TMCC3: variants seen among roughly 807,000 people sequenced by gnomAD.
TMCC3 encodes transmembrane and coiled-coil domain family 3.
A neutral mutation model predicts 40.2 loss-of-function variants in TMCC3; 28 were observed. The observed-to-expected ratio is 0.70, with a 90% confidence interval of 0.52 to 0.95. TMCC3 has a LOEUF of 0.95. Among genes scored for constraint, TMCC3 ranks in the 40% least tolerant of loss-of-function variants. The probability of loss-of-function intolerance (pLI) is 0.00; values close to 1 mark genes in which losing one functional copy is unlikely to be tolerated. For synonymous variants in TMCC3, 255 were observed against 248.5 expected, an observed-to-expected ratio of 1.03 and a Z score of -0.25; for missense variants, 554 against 615.2, an observed-to-expected ratio of 0.90 and a Z score of 1.05.
At chr12:94,635,660 GTTTTTTTT>G (rs63480462) in intron 1 of TMCC3, among the ~76,000 whole-genome samples, 26 of 89,296 alleles carry the variant, frequency 2.9e-4, no homozygotes, top group Non-Finnish European at 5.2e-4. Flanking sequence ...GTGTATGTGG[GTTTTTTTT>G]TTTTTTTTTT....
At chr12:94,616,184 T>C (rs970999850) in intron 1 of TMCC3, 1 of 784,422 alleles carries the variant, frequency 1.3e-6, no homozygotes, top group South Asian at 5.8e-5. Flanking sequence ...GCTGTACAAA[T>C]GGGCTCTTTG....
chr12:94,627,795 A>G (rs1038826579), intron 1 of TMCC3, among the ~76,000 whole-genome samples: 1 of 152,120 alleles, frequency 6.6e-6, no homozygotes, highest in African/African-American at 2.4e-5. Flanking sequence ...CCTCTTGTCT[A>G]TTTCTCAGCA....
intron 1 of TMCC3, among the ~76,000 whole-genome samples, chr12:94,584,646 C>T (rs904459166): frequency 6.6e-6 from 1 of 151,232 alleles, no homozygotes; most frequent in East Asian, 1.9e-4. Context: ...GTCAGGCCTC[C>T]TCCACAACTT....
chr12:94,577,355 A>AT (rs1257227878), intron 3 of TMCC3, among the ~76,000 whole-genome samples: 26 of 151,832 alleles, frequency 1.7e-4, no homozygotes, highest in Non-Finnish European at 3.8e-4. Flanking sequence ...CGCCTGGCTA[A>AT]TTTTTTGTAT....
intron 1 of TMCC3, among the ~76,000 whole-genome samples, chr12:94,639,668 AACACACACACACACACAC>A (rs3073591): frequency 1.6e-5 from 2 of 124,140 alleles, no homozygotes; most frequent in East Asian, 2.2e-4. Flanking sequence ...CATATATGTA[AACACACACACACACACAC>A]ACACACACAC....
At position 94,571,732 on chromosome 12, in the gene TMCC3, G is replaced by C; in HGVS notation, c.1137C>G (p.Ala379=). Residue 379 remains alanine (A), a synonymous_variant, in exon 4 of 4, where the codon GCC becomes GCG. Transcript: ENST00000261226. The part of the protein sequence containing the change: ...AYERSRDIQE[A]LESCQTRISK... ...AAATGCGAGTCTGGCAGGATTCCAA[G>C]GCTTCCTGTGAGCAAGAGGGAGAGC... 6.2e-7 allele frequency: 1 copy of C among 1,613,688 alleles called. No homozygotes were observed. The highest frequency in any genetic ancestry group is 1.1e-5 in the South Asian group (1 of 91,068).
intron 1 of TMCC3, among the ~76,000 whole-genome samples, chr12:94,646,431 C>CTTTTTTTTT (rs34398994): frequency 4.4e-5 from 4 of 90,718 alleles, no homozygotes; most frequent in East Asian, 3.2e-4. Context: ...AAGCACACAC[C>CTTTTTTTTT]TTTTTTTTTT....
At chr12:94,573,089 T>C (rs574141829) in intron 3 of TMCC3, among the ~76,000 whole-genome samples, 2 of 152,324 alleles carry the variant, frequency 1.3e-5, no homozygotes, top group South Asian at 2.1e-4. Flanking sequence ...TGTGGCTTCA[T>C]GTATTGCAGC....
chr12:94,568,617 A>G lies in TMCC3; in HGVS notation c.*2818T>C, dbSNP rs903685479. On this transcript the variant is annotated 3_prime_UTR_variant, in exon 4 of 4. Transcript: ENST00000261226. ...TGTAATATTTCTAAAATGTCATTTAATCTCCTTACACATTGAAGAGAACAA... is the reference window on the plus strand; with the variant it reads ...TGTAATATTTCTAAAATGTCATTTAGTCTCCTTACACATTGAAGAGAACAA... 1.3e-5 allele frequency: 2 copies of G among 152,232 alleles called. No individual in the cohort carries two copies. The highest frequency in any genetic ancestry group is 1.3e-4 in the Admixed American group (2 of 15,282). The allele number at this position is 152,232 out of a possible 1,614,324, so 9.4% of individuals were successfully genotyped here. A position where few individuals can be genotyped will look rare whatever the true frequency, so the allele number is the denominator to read the frequency against.
chr12:94,586,580 CACA>C lies in TMCC3; in HGVS notation c.79-4045_79-4043del, dbSNP rs763979132. 2.0e-5 allele frequency among the ~76,000 whole-genome samples: 3 copies of C among 152,216 alleles called. No homozygotes were observed. The South Asian group carries it at 6.2e-4, about 32-fold the overall frequency. On this transcript the variant is annotated intron_variant, in intron 1 of 3. Coordinates refer to ENST00000261226, the MANE Select transcript of TMCC3 (RefSeq NM_020698.4). ...GGCTGGCATTCTCTATTGAGAAGTC[CACA>C]ACAACATCTAGAGGTAGAAAGGTTT...
At chr12:94,596,797 G>T (rs2068717732) in intron 1 of TMCC3, among the ~76,000 whole-genome samples, 1 of 152,054 alleles carries the variant, frequency 6.6e-6, no homozygotes, top group African/African-American at 2.4e-5. Flanking sequence ...TGCCCTAGTT[G>T]TTTACATTTG....
intron 1 of TMCC3, among the ~76,000 whole-genome samples, chr12:94,603,358 C>G (rs1395164759): frequency 6.6e-6 from 1 of 152,200 alleles, no homozygotes; most frequent in East Asian, 1.9e-4. Flanking sequence ...CTCATGTGAT[C>G]TGCCTGCCTT....
intron 1 of TMCC3, among the ~76,000 whole-genome samples, chr12:94,619,729 T>C (rs1285467163): frequency 2.6e-5 from 4 of 152,216 alleles, no homozygotes; most frequent in Admixed American, 2.6e-4. Context: ...AAGTTTTCAA[T>C]ACAGTATTAC....
intron 1 of TMCC3, chr12:94,598,722 C>A: frequency 1.0e-6 from 1 of 985,422 alleles, no homozygotes; most frequent in African/African-American, 1.7e-5. Flanking sequence ...CAGCCACAGA[C>A]GTTTAAAGGC....
chr12:94,583,422 T>C (rs1433335562), intron 1 of TMCC3, among the ~76,000 whole-genome samples: 1 of 152,060 alleles, frequency 6.6e-6, no homozygotes, highest in Non-Finnish European at 1.5e-5. Flanking sequence ...GAGAATCACT[T>C]GAACCCGGAA....
chr12:94,624,194 T>A (rs1268302944), intron 1 of TMCC3, among the ~76,000 whole-genome samples: 5 of 152,168 alleles, frequency 3.3e-5, no homozygotes, highest in Non-Finnish European at 7.3e-5. Flanking sequence ...GAATATAAAC[T>A]GGTGCAACCA....
At chr12:94,650,214 G>T in intron 1 of TMCC3, 139 bp downstream of exon 1, 1 of 398,638 alleles carries the variant, frequency 2.5e-6, no homozygotes, top group South Asian at 1.2e-4. Flanking sequence ...CGGAGGATCG[G>T]GGAGGCACGG....
intron 1 of TMCC3, among the ~76,000 whole-genome samples, chr12:94,590,616 A>C (rs1450253197): frequency 6.6e-6 from 1 of 152,174 alleles, no homozygotes; most frequent in Non-Finnish European, 1.5e-5. Context: ...GGGAAGGGAG[A>C]GTGCCCTTCT....
chr12:94,616,201 C>T lies in TMCC3; in HGVS notation c.79-33663G>A, dbSNP rs1490802073. The T allele has an allele frequency of 6.5e-6, 4 of 612,038 alleles. No homozygotes were observed. The East Asian group carries it at 5.6e-4, about 86-fold the overall frequency. 37.9% of individuals were successfully genotyped at this position (612,038 alleles called of 1,614,324 possible). A position where few individuals can be genotyped will look rare whatever the true frequency, so the allele number is the denominator to read the frequency against. ...TGTACAAATGGGCTCTTTGTGCAGT[C>T]AGCAGAAGAGATCCACATTCTATAT... On this transcript the variant is annotated intron_variant, in intron 1 of 3. Coordinates refer to ENST00000261226, the MANE Select transcript of TMCC3 (RefSeq NM_020698.4).
Sources: gnomAD v4.1 joint callset for allele counts (sites outside exome capture counted in the v4.1 genomes callset) on GRCh38, gnomAD v4.1.1 for gene constraint, MANE v1.5 for transcripts, NCBI Gene and HGNC (gene_info 2026-07-23, HGNC 2026-07-21) for gene names.